Variants in TMEM217 observed in about 807,000 individuals in gnomAD.
TMEM217 encodes the protein chromosome 6 open reading frame 128.
For missense variants in TMEM217, 204 were observed against 248.8 expected (o/e 0.82, Z 1.21); for synonymous variants, 76 against 88.3 (o/e 0.86, Z 0.78).
intron 1 of TMEM217, among the ~76,000 whole-genome samples, chr6:37,246,862 C>T (rs1343387180): frequency 6.6e-6 from 1 of 151,294 alleles, no homozygotes; most frequent in Non-Finnish European, 1.5e-5. Context: ...ATGATTGTGC[C>T]ACTGCGTTCT....
chr6:37,215,306 A>T, downstream of TMEM217: 1 of 1,608,822 alleles, frequency 6.2e-7, no homozygotes, highest in Non-Finnish European at 8.5e-7. Context: ...AAAACAAATG[A>T]ATAAAAATTG....
At chr6:37,218,270 G>A in exon 2 of TMEM217, 2 of 1,237,996 alleles carry the variant, frequency 1.6e-6, no homozygotes, top group Non-Finnish European at 1.1e-6. Flanking sequence ...CCCAGGTCAA[G>A]TGATTCTCCA....
intron 1 of TMEM217, among the ~76,000 whole-genome samples, chr6:37,229,200 T>C (rs1764029251): frequency 2.0e-5 from 3 of 150,388 alleles, no homozygotes; most frequent in Non-Finnish European, 2.9e-5. Flanking sequence ...GATAAAGATT[T>C]TTACCTGTCA....
intron 1 of TMEM217, among the ~76,000 whole-genome samples, chr6:37,223,939 CT>C (rs55894035): frequency 0.18 from 26,642 of 144,242 alleles, 2,444 homozygotes; most frequent in Non-Finnish European, 0.2. Flanking sequence ...CTGCCTCAGC[CT>C]TTTTTTTTTT....
intron 1 of TMEM217, among the ~76,000 whole-genome samples, chr6:37,252,389 G>A (rs1765446660): frequency 6.6e-6 from 1 of 151,872 alleles, no homozygotes; most frequent in Admixed American, 6.6e-5. Flanking sequence ...CATATGGCTG[G>A]CAAAGCCTAA....
chr6:37,245,973 AT>A (rs1008146950), intron 1 of TMEM217, among the ~76,000 whole-genome samples: 8 of 151,160 alleles, frequency 5.3e-5, no homozygotes, highest in African/African-American at 1.9e-4. Context: ...CTAATTCTGT[AT>A]TTTTTTTAGT....
intron 1 of TMEM217, among the ~76,000 whole-genome samples, chr6:37,254,379 A>G (rs1765602429): frequency 6.6e-6 from 1 of 152,150 alleles, no homozygotes; most frequent in African/African-American, 2.4e-5. Flanking sequence ...TGGCTGCCAT[A>G]CCTATCAGCC....
chr6:37,252,613 GTGTGTA>G lies in TMEM217; in HGVS notation c.-12+4949_-12+4954del, dbSNP rs1284565718. Reference sequence around the variant, plus strand: ...TATGTGTGTGTGTGTGTGTGTATGTGTGTGTATATATATATATATATATATTTTTTT... The same window carrying G: ...TATGTGTGTGTGTGTGTGTGTATGTGTATATATATATATATATATTTTTTT... On this transcript the variant is annotated intron_variant, in intron 1 of 1. Coordinates refer to ENST00000357219, the Ensembl canonical transcript of TMEM217. 1.1e-3 allele frequency among the ~76,000 whole-genome samples: 101 copies of G among 89,948 alleles called. 2 individuals carry two copies. Among genetic ancestry groups the G allele is most frequent in the African/African-American group, 3.2e-3 (77 of 24,334 alleles). 59.0% of individuals were successfully genotyped at this position (89,948 alleles called of 152,430 possible).
In TMEM217 at chr6:37,218,849, A is replaced by G; in HGVS notation, c.182T>C (p.Ile61Thr). 2.5e-6 allele frequency: 4 copies of G among 1,614,220 alleles called. No individual in the cohort carries two copies. The East Asian group carries it at 8.9e-5, about 36-fold the overall frequency. The stretch of plus-strand genomic sequence containing the variant: ...GAGGACGATTTTAAAACTCCAGCAG[A>G]TGATGAAGTTATTTATGATGTTACT... The change falls in exon 2 of 2, where the codon ATC (isoleucine) becomes ACC (threonine). Residue 61 changes from isoleucine (I) to threonine (T), a missense_variant. Physicochemically the swap from Ile to Thr is moderately conservative, Grantham distance 89 (BLOSUM62 -1). Coordinates refer to ENST00000357219, the Ensembl canonical transcript of TMEM217.
At chr6:37,250,801 T>C (rs1765358678) in intron 1 of TMEM217, among the ~76,000 whole-genome samples, 1 of 152,390 alleles carries the variant, frequency 6.6e-6, no homozygotes, top group African/African-American at 2.4e-5. Flanking sequence ...TGATCTTTTC[T>C]ATTTCTGTCT....
chr6:37,212,540 C>T (rs1561995860), exon 4 of TMEM217: 1 of 459,010 alleles, frequency 2.2e-6, no homozygotes, highest in East Asian at 6.9e-5. Context: ...AGGTTGTATG[C>T]ATGCTTGACG....
intron 1 of TMEM217, among the ~76,000 whole-genome samples, chr6:37,254,876 G>A (rs965003190): frequency 6.6e-6 from 1 of 152,068 alleles, no homozygotes; most frequent in Admixed American, 6.6e-5. Flanking sequence ...GGGGAGGGGG[G>A]TTAAAGGATG....
At chr6:37,237,598 G>T (rs138850260) in intron 1 of TMEM217, among the ~76,000 whole-genome samples, 49 of 152,238 alleles carry the variant, frequency 3.2e-4, no homozygotes, top group African/African-American at 1.1e-3. Context: ...AACCAGAAAA[G>T]AGAAAATCAA....
At position 37,218,894 on chromosome 6, in the gene TMEM217, G is replaced by A. The variant is rs374451113; in HGVS notation, c.137C>T (p.Thr46Ile). ...GTTACTTGCACCCCTGTACTTTGGT[G>A]TGATCTCAGTGCAACTGCCATTCCC... Residue 46 changes from threonine to isoleucine, a missense_variant, in exon 2 of 2, where the codon ACA (threonine) becomes ATA (isoleucine). Transcript: ENST00000357219. The A allele has an allele frequency of 5.0e-6, 8 of 1,614,046 alleles. No homozygotes were observed. In the African/African-American group the frequency reaches 8.0e-5, roughly 16 times the overall value.
downstream of TMEM217, chr6:37,215,181 A>G (rs372675546): frequency 1.6e-5 from 25 of 1,612,294 alleles, no homozygotes; most frequent in African/African-American, 1.9e-4. Flanking sequence ...GGTACATTCT[A>G]TTCATTCAAT....
intron 1 of TMEM217, among the ~76,000 whole-genome samples, chr6:37,250,060 A>G (rs1245572417): frequency 6.6e-6 from 1 of 152,250 alleles, no homozygotes; most frequent in Non-Finnish European, 1.5e-5. Flanking sequence ...GGACTATTAC[A>G]ACAGTGAAAA....
intron 1 of TMEM217, among the ~76,000 whole-genome samples, chr6:37,236,921 C>T (rs1764537564): frequency 6.6e-6 from 1 of 152,170 alleles, no homozygotes; most frequent in African/African-American, 2.4e-5. Flanking sequence ...AGTTGGAGGC[C>T]TCAGTGCCCA....
intron 1 of TMEM217, among the ~76,000 whole-genome samples, chr6:37,228,006 A>G (rs981144382): frequency 6.6e-6 from 1 of 152,202 alleles, no homozygotes; most frequent in African/African-American, 2.4e-5. Context: ...CATTTGCTCT[A>G]TCAAGTGAGA....
chr6:37,239,232 T>C (rs1039035590), intron 1 of TMEM217, among the ~76,000 whole-genome samples: 1 of 152,212 alleles, frequency 6.6e-6, no homozygotes, highest in African/African-American at 2.4e-5. Flanking sequence ...CTCATGCCTA[T>C]AATTCCAGCA....
Sources: gnomAD v4.1 joint callset for allele counts (sites outside exome capture counted in the v4.1 genomes callset) on GRCh38, gnomAD v4.1.1 for gene constraint, MANE v1.5 for transcripts, NCBI Gene and HGNC (gene_info 2026-07-23, HGNC 2026-07-21) for gene names.